The following TRPM3 variants were observed in gnomAD, a reference collection of about 807,000 sequenced individuals.
TRPM3 encodes the protein long transient receptor potential channel 3.
TRPM3 carries 77 observed loss-of-function variants against 181.2 expected under a neutral mutation model. The observed-to-expected ratio is 0.42, with a 90% CI of 0.35 to 0.51. The LOEUF is 0.51. Ranked by LOEUF, TRPM3 falls within the 20% of genes least tolerant of loss-of-function variation. The pLI is 0.01. For synonymous variants in TRPM3, 745 were observed against 796.4 expected (o/e 0.94, Z 1.09); for missense variants, 1,759 against 2,196.7 (o/e 0.80, Z 3.98).
chr9:71,335,326 AT>A (rs879728469), intron 1 of TRPM3, among the ~76,000 whole-genome samples: 4 of 151,926 alleles, frequency 2.6e-5, no homozygotes, highest in Non-Finnish European at 5.9e-5. Flanking sequence ...TCAGATTACA[AT>A]TTTTTTTCAA....
In TRPM3 at chr9:70,530,407, T is replaced by C. The variant is rs1009719656; in HGVS notation, c.*5546A>G. 1.3e-5 allele frequency: 2 copies of C among 152,254 alleles called. No individual in the cohort carries two copies. Among genetic ancestry groups the C allele is most frequent in the African/African-American group, 4.8e-5 (2 of 41,462 alleles). The allele number at this position is 152,254 out of a possible 1,614,324, so 9.4% of individuals were successfully genotyped here. A position where few individuals can be genotyped will look rare whatever the true frequency, so the allele number is the denominator to read the frequency against. On this transcript the variant is annotated 3_prime_UTR_variant, in exon 26 of 26. Transcript: ENST00000677713. ...CTCCAGAGGAAGGCATGGGTCCTGA[T>C]TGGCACTGACACTCTTTACAAAGCC...
intron 6 of TRPM3, among the ~76,000 whole-genome samples, chr9:70,798,114 G>A (rs920135755): frequency 6.6e-6 from 1 of 152,160 alleles, no homozygotes; most frequent in Non-Finnish European, 1.5e-5. Flanking sequence ...GAGTGCAGTG[G>A]CATGATCTTG....
intron 1 of TRPM3, among the ~76,000 whole-genome samples, chr9:70,944,138 C>G (rs2096911267): frequency 6.6e-6 from 1 of 152,130 alleles, no homozygotes; most frequent in Admixed American, 6.5e-5. Flanking sequence ...GACAGAGAAG[C>G]AAATTCAGTC....
chr9:71,019,218 G>T (rs1352001615), intron 1 of TRPM3, among the ~76,000 whole-genome samples: 2 of 151,800 alleles, frequency 1.3e-5, no homozygotes, highest in African/African-American at 4.8e-5. Flanking sequence ...AGAGATGCTT[G>T]TTATCACCAC....
chr9:70,622,213 G>C (rs1045037818), intron 14 of TRPM3, among the ~76,000 whole-genome samples: 3 of 152,112 alleles, frequency 2.0e-5, no homozygotes, highest in African/African-American at 7.2e-5. Context: ...CACTAAATCT[G>C]CTCGTCCCTA....
At chr9:70,577,844 C>T (rs1442513602) in intron 22 of TRPM3, among the ~76,000 whole-genome samples, 2 of 152,156 alleles carry the variant, frequency 1.3e-5, no homozygotes, top group East Asian at 3.8e-4. Context: ...CCGCATGCAC[C>T]ATATATAGTT....
chr9:71,076,830 C>T (rs1174895427), intron 1 of TRPM3, among the ~76,000 whole-genome samples: 1 of 152,168 alleles, frequency 6.6e-6, no homozygotes, highest in Non-Finnish European at 1.5e-5. Context: ...GATTGAGAAT[C>T]ACTCACAAGG....
chr9:71,173,100 CT>C (rs1228244664), intron 1 of TRPM3, among the ~76,000 whole-genome samples: 3 of 152,128 alleles, frequency 2.0e-5, no homozygotes, highest in Non-Finnish European at 4.4e-5. Context: ...TCAATGATGC[CT>C]TATGTACCTA....
intron 1 of TRPM3, among the ~76,000 whole-genome samples, chr9:71,134,179 AG>A (rs1471395595): frequency 1.3e-5 from 2 of 152,212 alleles, no homozygotes; most frequent in African/African-American, 4.8e-5. Flanking sequence ...TTTCTTAAGT[AG>A]CAATTGTGAA....
chr9:70,925,187 T>C (rs1006712386), intron 1 of TRPM3, among the ~76,000 whole-genome samples: 11 of 152,194 alleles, frequency 7.2e-5, no homozygotes, highest in Non-Finnish European at 1.5e-4. Context: ...ATGATAACTT[T>C]TGATTGATTT....
chr9:71,087,062 A>G (rs1276450034), intron 1 of TRPM3, among the ~76,000 whole-genome samples: 1 of 151,806 alleles, frequency 6.6e-6, no homozygotes, highest in Non-Finnish European at 1.5e-5. Context: ...ATTTTTGGAC[A>G]CCATTGCTTG....
chr9:70,944,823 T>G (rs571569847), intron 1 of TRPM3, among the ~76,000 whole-genome samples: 4 of 152,128 alleles, frequency 2.6e-5, no homozygotes, highest in African/African-American at 9.7e-5. Flanking sequence ...GAGATGTTTA[T>G]GCTCACTTAT....
At position 70,536,587 on chromosome 9, in the gene TRPM3, T is replaced by C. The variant is rs753570659; in HGVS notation, c.4526A>G (p.Glu1509Gly). 6.2e-7 allele frequency: 1 copy of C among 1,614,086 alleles called. No homozygotes were observed. Among genetic ancestry groups the C allele is most frequent in the Admixed American group, 1.7e-5 (1 of 59,998 alleles). ...DSEPPMYHTI[E>G]RSKSSRYLAT... is the part of the protein sequence containing the mutation. The stretch of plus-strand genomic sequence containing the variant: ...TAGGTAGCGGCTACTTTTGGAACGC[T>C]CAATGGTGTGGTACATCGGAGGCTC... Residue 1509 changes from glutamate to glycine, a missense_variant, in exon 26 of 26, where the codon GAG (glutamate) becomes GGG (glycine). By Grantham distance (98) the Glu-to-Gly change is moderately conservative (BLOSUM62 -2). Transcript: ENST00000677713.
chr9:71,109,825 T>G (rs2070652424), intron 1 of TRPM3, among the ~76,000 whole-genome samples: 1 of 152,152 alleles, frequency 6.6e-6, no homozygotes, highest in African/African-American at 2.4e-5. Context: ...GCCAGAATCT[T>G]TTTACCTATA....
At chr9:71,319,698 A>C (rs1209446059) in intron 1 of TRPM3, among the ~76,000 whole-genome samples, 1 of 152,162 alleles carries the variant, frequency 6.6e-6, no homozygotes, top group African/African-American at 2.4e-5. Flanking sequence ...TGTGCTTTAC[A>C]AGATAACATT....
intron 1 of TRPM3, among the ~76,000 whole-genome samples, chr9:70,889,847 A>G (rs1006844811): frequency 3.3e-5 from 5 of 151,340 alleles, no homozygotes; most frequent in African/African-American, 1.2e-4. Flanking sequence ...CAGTACAGAA[A>G]AGTATAGTAA....
intron 3 of TRPM3, among the ~76,000 whole-genome samples, chr9:70,857,210 C>T (rs57139953): frequency 0.032 from 4,894 of 151,994 alleles, 279 homozygotes; most frequent in African/African-American, 0.11. Flanking sequence ...AATAGCTTAC[C>T]GGGGCTTGCA....
At chr9:71,196,892 A>C (rs906952886) in intron 1 of TRPM3, among the ~76,000 whole-genome samples, 2 of 151,952 alleles carry the variant, frequency 1.3e-5, no homozygotes, top group Non-Finnish European at 2.9e-5. Flanking sequence ...ATTATACTTT[A>C]AGTTTTAGGG....
Position 71,353,821 on chromosome 9 carries a change from T to C in TRPM3, c.183+92832A>G, listed in dbSNP as rs186700830. On this transcript the variant is annotated intron_variant, in intron 1 of 24. Coordinates refer to the TRPM3 transcript ENST00000357533. ...TTCATGAATCATCTACCACATATAT[T>C]GGTGAACAGAAAGTTGTAAACATCC... is the stretch of plus-strand genomic sequence containing the variant. Among the ~76,000 whole-genome samples the C allele has an allele frequency of 7.2e-4, 109 of 152,310 alleles. 1 individual carries two copies. Among genetic ancestry groups the C allele is most frequent in the Admixed American group, 6.9e-3 (106 of 15,300 alleles).
Sources: gnomAD v4.1 joint callset for allele counts (sites outside exome capture counted in the v4.1 genomes callset) on GRCh38, gnomAD v4.1.1 for gene constraint, MANE v1.5 for transcripts, NCBI Gene and HGNC (gene_info 2026-07-23, HGNC 2026-07-21) for gene names.